PRKAR1B: variants seen among roughly 807,000 people sequenced by gnomAD.
PRKAR1B encodes protein kinase cAMP-dependent type I regulatory subunit beta, also known as cAMP-dependent protein kinase type I-beta regulatory subunit.
A neutral mutation model predicts 46.5 loss-of-function variants in PRKAR1B; 22 were observed. The ratio of observed to expected loss-of-function variants is 0.47; its 90% CI spans 0.34 to 0.68. PRKAR1B has a LOEUF of 0.68. PRKAR1B is among the 30% of genes least tolerant of loss of function. The pLI is 0.01. For missense variants in PRKAR1B, 445 were observed against 535.6 expected, an observed-to-expected ratio of 0.83 and a Z score of 1.67; for synonymous variants, 259 against 217.7, an observed-to-expected ratio of 1.19 and a Z score of -1.67.
At chr7:633,440 A>G (rs1783876189) in intron 4 of PRKAR1B, among the ~76,000 whole-genome samples, 2 of 152,186 alleles carry the variant, frequency 1.3e-5, no homozygotes, top group South Asian at 4.1e-4. Context: ...TTAGTATTTC[A>G]TGTAATTATA....
rs34944012 is a variant in PRKAR1B at position 667,149 on chromosome 7, GTGA to G, written c.440+10077_440+10079del. ...GGTGATGAGGATGGTGGTGGTGATGGTGATGATAATGATGGTGATGATGACAGT... is the reference window on the plus strand; with the variant it reads ...GGTGATGAGGATGGTGGTGGTGATGGTGATAATGATGGTGATGATGACAGT... On this transcript the variant is annotated intron_variant, in intron 4 of 10. Transcript: ENST00000537384. This position sits in a 1 kb window ranked among gnomAD's most constrained non-coding sequence, Gnocchi z 4.3. Among the ~76,000 whole-genome samples, 2 of 116,712 alleles carry G rather than the reference GTGA, an allele frequency of 1.7e-5. No homozygotes were observed. Among genetic ancestry groups the G allele is most frequent in the South Asian group, 5.3e-4 (2 of 3,744 alleles). 76.6% of individuals were successfully genotyped at this position (116,712 alleles called of 152,430 possible). A position where few individuals can be genotyped will look rare whatever the true frequency, so the allele number is the denominator to read the frequency against.
At chr7:637,144 G>A (rs1196792302) in intron 4 of PRKAR1B, among the ~76,000 whole-genome samples, 7 of 152,166 alleles carry the variant, frequency 4.6e-5, no homozygotes, top group African/African-American at 7.2e-5. Flanking sequence ...AAAATTAGCC[G>A]GGCGTGGTGG....
intron 2 of PRKAR1B, among the ~76,000 whole-genome samples, chr7:681,898 A>C (rs1387343428): frequency 1.3e-5 from 2 of 152,160 alleles, no homozygotes; most frequent in Non-Finnish European, 2.9e-5. Context: ...TGCAGCCTAA[A>C]CACTGACCTC....
At chr7:629,178 T>A (rs1783588354) in intron 4 of PRKAR1B, among the ~76,000 whole-genome samples, 1 of 152,254 alleles carries the variant, frequency 6.6e-6, no homozygotes, top group South Asian at 2.1e-4. Context: ...ACCGGGCTCA[T>A]GGCACAGTGA....
intron 8 of PRKAR1B, among the ~76,000 whole-genome samples, chr7:580,004 G>A (rs537095310): frequency 2.7e-4 from 41 of 151,838 alleles, no homozygotes; most frequent in South Asian, 1.3e-3. Context: ...ATGCTAAGGC[G>A]GGAGGATCGC....
intron 7 of PRKAR1B, among the ~76,000 whole-genome samples, chr7:590,646 C>T (rs567359808): frequency 6.6e-5 from 10 of 152,342 alleles, no homozygotes; most frequent in Admixed American, 2.0e-4. Context: ...CAGAGCAGCA[C>T]TAAAATGGCT....
chr7:563,708 A>ATG (rs372307127), intron 9 of PRKAR1B, among the ~76,000 whole-genome samples: 109 of 151,338 alleles, frequency 7.2e-4, no homozygotes, highest in African/African-American at 2.5e-3. Context: ...CGGTGTGTGC[A>ATG]TGTGTGTGTG....
intron 9 of PRKAR1B, among the ~76,000 whole-genome samples, chr7:574,007 G>A (rs920439813): frequency 6.3e-4 from 96 of 152,326 alleles, no homozygotes; most frequent in African/African-American, 2.2e-3. Flanking sequence ...AGAACACGCC[G>A]CGCGACTCGG....
intron 4 of PRKAR1B, among the ~76,000 whole-genome samples, chr7:639,235 G>T (rs970580776): frequency 1.3e-5 from 2 of 152,174 alleles, no homozygotes; most frequent in African/African-American, 4.8e-5. Flanking sequence ...GACGGTGGTG[G>T]TATTAGTAAA....
intron 2 of PRKAR1B, among the ~76,000 whole-genome samples, chr7:691,103 C>CCG (rs1358814896): frequency 5.3e-4 from 81 of 151,608 alleles, no homozygotes; most frequent in African/African-American, 1.9e-3. Context: ...CCGAAGGGTC[C>CCG]CACGCCCACC....
chr7:550,759 C>T lies in PRKAR1B; in HGVS notation c.974-157G>A, dbSNP rs921226208. On this transcript the variant is annotated intron_variant, in intron 10 of 10. Coordinates refer to ENST00000537384, the MANE Select transcript of PRKAR1B (RefSeq NM_001164760.2). The stretch of plus-strand genomic sequence containing the variant: ...ACAAACTTGTAGCATAAGTATAGCC[C>T]GAGAACTATTTGGGATATACTTATG... Among the ~76,000 whole-genome samples the T allele has an allele frequency of 3.1e-4, 47 of 152,160 alleles. 1 individual carries two copies. Among genetic ancestry groups the T allele is most frequent in the Admixed American group, 2.9e-3 (44 of 15,284 alleles).
chr7:628,650 G>A (rs575376224), intron 4 of PRKAR1B, among the ~76,000 whole-genome samples: 4 of 152,336 alleles, frequency 2.6e-5, no homozygotes, highest in East Asian at 1.9e-4. Flanking sequence ...CCGGCCAGGC[G>A]ATGGCGGGAA....
intron 4 of PRKAR1B, among the ~76,000 whole-genome samples, chr7:668,509 A>G (rs999649123): frequency 7.9e-5 from 12 of 152,238 alleles, no homozygotes; most frequent in Non-Finnish European, 1.5e-4. Flanking sequence ...GTGCAAAACA[A>G]AAGAGCTGAA....
chr7:671,426 C>A (rs1056017528), intron 4 of PRKAR1B, among the ~76,000 whole-genome samples: 1 of 152,170 alleles, frequency 6.6e-6, no homozygotes, highest in Non-Finnish European at 1.5e-5. Flanking sequence ...AAGCACATAT[C>A]TGGGTGTTTG....
chr7:561,205 C>T (rs1778775178), intron 9 of PRKAR1B, among the ~76,000 whole-genome samples: 1 of 150,792 alleles, frequency 6.6e-6, no homozygotes, highest in South Asian at 2.1e-4. Context: ...ACCCCACACA[C>T]ATGCACACAC....
chr7:579,395 G>C lies in PRKAR1B; in HGVS notation c.770-18C>G, dbSNP rs779134368. ...CAGGGACTCTGTCGGGGGAGGATGAGGACAGGTCATCCCGGGGCCCACGCC... is the reference window on the plus strand; with the variant it reads ...CAGGGACTCTGTCGGGGGAGGATGACGACAGGTCATCCCGGGGCCCACGCC... On this transcript the variant is annotated intron_variant, in intron 8 of 10. Coordinates refer to ENST00000537384, the MANE Select transcript of PRKAR1B (RefSeq NM_001164760.2). The C allele has an allele frequency of 1.2e-6, 2 of 1,612,312 alleles. No homozygotes were observed. The highest frequency in any genetic ancestry group is 1.7e-6 in the Non-Finnish European group (2 of 1,179,998).
intron 9 of PRKAR1B, among the ~76,000 whole-genome samples, chr7:558,394 T>C (rs897927087): frequency 6.7e-6 from 1 of 148,430 alleles, no homozygotes; most frequent in Non-Finnish European, 1.5e-5. Flanking sequence ...AATAATAAAA[T>C]TTCCTATAAA....
chr7:705,320 A>C (rs2128524707), intron 2 of PRKAR1B, among the ~76,000 whole-genome samples: 1 of 146,900 alleles, frequency 6.8e-6, no homozygotes, highest in Non-Finnish European at 1.5e-5. Flanking sequence ...AAAAAAAAAA[A>C]GAAAAAAGAA....
intron 9 of PRKAR1B, among the ~76,000 whole-genome samples, chr7:575,875 C>T (rs1193174268): frequency 6.6e-6 from 1 of 152,248 alleles, no homozygotes; most frequent in Non-Finnish European, 1.5e-5. Context: ...CCGTGCCCAA[C>T]AGCCGCCTTT....
Sources: allele counts gnomAD v4.1 joint callset (sites outside exome capture counted in the v4.1 genomes callset), GRCh38; gene constraint gnomAD v4.1.1; non-coding constraint Gnocchi (gnomAD v3.1); transcripts MANE v1.5; gene names NCBI Gene and HGNC (gene_info 2026-07-23, HGNC 2026-07-21).